Variants in IFI16 observed in about 807,000 individuals in gnomAD.
IFI16 encodes gamma-interferon-inducible protein 16.
IFI16 carries 49 observed loss-of-function variants against 68.4 expected under a neutral mutation model. That is an observed-to-expected ratio of 0.72 (90% CI 0.57 to 0.91). The LOEUF (loss-of-function observed/expected upper bound fraction) is 0.91. Among genes scored for constraint, IFI16 ranks in the 40% least tolerant of loss-of-function variants. The pLI is 0.00. For synonymous variants in IFI16, 307 were observed against 315.0 expected (o/e 0.97, Z 0.27); for missense variants, 878 against 942.9 (o/e 0.93, Z 0.90).
chr1:159,051,743 T>G lies in IFI16; in HGVS notation c.1730T>G (p.Leu577Arg). 1 of 1,614,042 alleles carries G rather than the reference T, an allele frequency of 6.2e-7. No individual in the cohort carries two copies. The highest frequency in any genetic ancestry group is 1.1e-5 in the South Asian group (1 of 91,086). The change falls in exon 10 of 12, where the codon CTC becomes CGC. Residue 577 changes from leucine (L) to arginine (R), a missense_variant. By Grantham distance (102) the Leu-to-Arg change is moderately radical. Around this residue, in one of 4 missense-constraint regions of IFI16, gnomAD observed 311 missense variants for 305.1 expected, o/e 1.02. Coordinates refer to ENST00000295809, the MANE Select transcript of IFI16 (RefSeq NM_001376587.1). ...ATAGAAGACAGTGCCCAGAGTGACC[T>G]CAAAGAAGTGATGGTGCTGAACGCA... Reference protein sequence around the residue: ...VSIEDSAQSDLKEVMVLNATE... With the variant: ...VSIEDSAQSDRKEVMVLNATE...
At chr1:159,004,477 G>T (rs931317658), upstream of IFI16, among the ~76,000 whole-genome samples, 1 of 152,124 alleles carries the variant, frequency 6.6e-6, no homozygotes, top group African/African-American at 2.4e-5. Context: ...GGCCGAGGTG[G>T]GTGGGTCACT....
At chr1:159,045,527 A>G in intron 8 of IFI16, 63 bp downstream of exon 8, 1 of 1,583,826 alleles carries the variant, frequency 6.3e-7, no homozygotes, top group Non-Finnish European at 8.6e-7. Flanking sequence ...GATTAACACA[A>G]CCTTGAAAGC....
At position 159,050,244 on chromosome 1, in the gene IFI16, C is replaced by T. The variant is rs1399545262; in HGVS notation, c.1665+645C>T. Among the ~76,000 whole-genome samples the T allele has an allele frequency of 3.3e-5, 5 of 152,214 alleles. No individual in the cohort carries two copies. In the East Asian group the frequency reaches 7.7e-4, roughly 23 times the overall value. Reference sequence around the variant, plus strand: ...TACTAGAAAAATTGCACAGTTATTCCATACATTATAAAAATGATCATTTTT... The same window carrying T: ...TACTAGAAAAATTGCACAGTTATTCTATACATTATAAAAATGATCATTTTT... On this transcript the variant is annotated intron_variant, in intron 9 of 11. Coordinates refer to ENST00000295809, the MANE Select transcript of IFI16 (RefSeq NM_001376587.1).
chr1:159,050,978 A>T (rs1237402594), intron 9 of IFI16, among the ~76,000 whole-genome samples: 3 of 152,196 alleles, frequency 2.0e-5, no homozygotes, highest in South Asian at 4.1e-4. Context: ...GTTCCAACTG[A>T]AATCTCATGA....
At chr1:159,054,147 A>C (rs1655537494) in intron 11 of IFI16, among the ~76,000 whole-genome samples, 1 of 152,172 alleles carries the variant, frequency 6.6e-6, no homozygotes, top group South Asian at 2.1e-4. Context: ...AACTTAGCTC[A>C]CAGCAGCCCT....
upstream of IFI16, among the ~76,000 whole-genome samples, chr1:159,006,944 C>T (rs1366912458): frequency 1.3e-5 from 2 of 152,096 alleles, no homozygotes; most frequent in Non-Finnish European, 2.9e-5. Context: ...ATTGAATTGG[C>T]CTTTACCTTA....
upstream of IFI16, among the ~76,000 whole-genome samples, chr1:159,008,708 T>A (rs1652366940): frequency 6.6e-6 from 1 of 152,168 alleles, no homozygotes; most frequent in Non-Finnish European, 1.5e-5. Context: ...CAGTAAAAGA[T>A]TATCACGAAC....
intron 3 of IFI16, among the ~76,000 whole-genome samples, 185 bp from the exon 4 acceptor site, chr1:159,016,345 TCTC>T (rs1225673256): frequency 6.6e-6 from 1 of 152,180 alleles, no homozygotes; most frequent in African/African-American, 2.4e-5. Context: ...TGTATAACAT[TCTC>T]CTCTTTCTTC....
At chr1:159,012,322 T>C (rs540072607) in intron 1 of IFI16, among the ~76,000 whole-genome samples, 108 of 152,318 alleles carry the variant, frequency 7.1e-4, no homozygotes, top group African/African-American at 2.6e-3. Context: ...TGGAGCTAGA[T>C]ACATTTTGAA....
At chr1:159,017,099 AACCTCCC>A (rs1571838803) in intron 4 of IFI16, among the ~76,000 whole-genome samples, 1 of 152,212 alleles carries the variant, frequency 6.6e-6, no homozygotes, top group East Asian at 1.9e-4. Context: ...TAGATTAAAC[AACCTCCC>A]CTGCATTAAA....
chr1:159,013,746 G>A (rs976235833), intron 1 of IFI16, among the ~76,000 whole-genome samples: 6 of 152,112 alleles, frequency 3.9e-5, no homozygotes, highest in African/African-American at 1.4e-4. Context: ...GAAGGAACTA[G>A]CAAAGTCATG....
rs942465184 is a variant in IFI16 at position 159,010,102 on chromosome 1, G to C, written c.-80G>C. The C allele has an allele frequency of 6.6e-6, 1 of 151,774 alleles. No homozygotes were observed. Among genetic ancestry groups the C allele is most frequent in the African/African-American group, 2.4e-5 (1 of 41,080 alleles). 9.4% of individuals were successfully genotyped at this position (151,774 alleles called of 1,614,324 possible). A position where few individuals can be genotyped will look rare whatever the true frequency, so the allele number is the denominator to read the frequency against. On this transcript the variant is annotated 5_prime_UTR_variant, in exon 1 of 12. Coordinates refer to ENST00000295809, the MANE Select transcript of IFI16 (RefSeq NM_001376587.1). ...CTCCCCCCTCACACAAATAAGCATTGATTCCTGCATTTCTGAAGATCTCAA... is the reference window on the plus strand; with the variant it reads ...CTCCCCCCTCACACAAATAAGCATTCATTCCTGCATTTCTGAAGATCTCAA...
At chr1:159,042,923 G>A (rs1484055664) in intron 7 of IFI16, among the ~76,000 whole-genome samples, 1 of 152,138 alleles carries the variant, frequency 6.6e-6, no homozygotes, top group African/African-American at 2.4e-5. Context: ...GGAAGGTATG[G>A]GCAGGGAAAT....
chr1:159,020,340 G>T lies in IFI16; in HGVS notation c.973-1G>T, dbSNP rs1653228182. The T allele has an allele frequency of 1.9e-6, 3 of 1,596,032 alleles. No homozygotes were observed. The highest frequency in any genetic ancestry group is 2.6e-6 in the Non-Finnish European group (3 of 1,169,166). ...AACAGAATATTAATTTTCTGTTACA[G>T]AAAACAGTAAATCAGAAGACCACAA... On this transcript the variant is annotated splice_acceptor_variant, in intron 5 of 11. Transcript: ENST00000295809. LOFTEE classifies it high-confidence loss of function.
intron 8 of IFI16, among the ~76,000 whole-genome samples, chr1:159,048,786 T>G (rs1340202739): frequency 2.0e-5 from 3 of 151,674 alleles, no homozygotes; most frequent in African/African-American, 7.2e-5. Context: ...TTTAGAGATA[T>G]TCTCCAGTCT....
In IFI16 at chr1:159,032,558, C is replaced by T; in HGVS notation, c.1196C>T (p.Pro399Leu). 1 of 1,608,810 alleles carries T rather than the reference C, an allele frequency of 6.2e-7. No individual in the cohort carries two copies. The highest frequency in any genetic ancestry group is 8.5e-7 in the Non-Finnish European group (1 of 1,177,546). ...AAAACAAACCCGAGAAACAATGACC[C>T]CAAGAGCATGAAGCTACCCCAGGAA... ...KKKTNPRNND[P>L]KSMKLPQEQR... Residue 399 changes from proline (P) to leucine (L), a missense_variant, in exon 7 of 12, where the codon CCC becomes CTC. Pro to Leu is a moderately conservative substitution (Grantham distance 98). Transcript: ENST00000295809.
At chr1:159,028,056 T>C (rs1420857096) in intron 6 of IFI16, among the ~76,000 whole-genome samples, 1 of 152,014 alleles carries the variant, frequency 6.6e-6, no homozygotes, top group Admixed American at 6.6e-5. Context: ...TTCTGCTGCA[T>C]TCGTGTTTGG....
chr1:159,021,641 T>A (rs1653319412), intron 6 of IFI16, among the ~76,000 whole-genome samples: 1 of 152,224 alleles, frequency 6.6e-6, no homozygotes, highest in African/African-American at 2.4e-5. Context: ...CTGGATCAAA[T>A]GGTAGATCTG....
chr1:159,052,115 G>A lies in IFI16; in HGVS notation c.2085+17G>A. 1 of 1,571,160 alleles carries A rather than the reference G, an allele frequency of 6.4e-7. No individual in the cohort carries two copies. The highest frequency in any genetic ancestry group is 8.6e-7 in the Non-Finnish European group (1 of 1,161,276). ...GTACATAAGGTAAGCCCACACCATT[G>A]TTTTATAAAATTTCTCCTGCAACCT... On this transcript the variant is annotated intron_variant, in intron 10 of 11. Coordinates refer to ENST00000295809, the MANE Select transcript of IFI16 (RefSeq NM_001376587.1).
Sources: allele counts gnomAD v4.1 joint callset (sites outside exome capture counted in the v4.1 genomes callset), GRCh38; gene constraint gnomAD v4.1.1; regional missense constraint gnomAD v4.1.1; transcripts MANE v1.5; gene names NCBI Gene and HGNC (gene_info 2026-07-23, HGNC 2026-07-21).